Variants in RBFOX1 observed in about 807,000 individuals in gnomAD.
RBFOX1 encodes RNA binding fox-1 homolog 1.
A neutral mutation model predicts 57.7 loss-of-function variants in RBFOX1; 8 were observed. The observed-to-expected ratio is 0.14, with a 90% CI of 0.08 to 0.25. RBFOX1 has a LOEUF of 0.25. Among genes scored for constraint, RBFOX1 ranks in the 10% least tolerant of loss-of-function variants. RBFOX1 has a pLI of 1.00. For synonymous variants in RBFOX1, 326 were observed against 222.4 expected, an observed-to-expected ratio of 1.47 and a Z score of -4.15; for missense variants, 611 against 548.5, an observed-to-expected ratio of 1.11 and a Z score of -1.14.
In RBFOX1 at chr16:5,860,489, C is replaced by G. The variant is rs34469965; in HGVS notation, c.319-6814C>G. Among the ~76,000 whole-genome samples the G allele has an allele frequency of 9.8e-3, 1,490 of 152,278 alleles. 18 individuals are homozygous for G. Among genetic ancestry groups the G allele is most frequent in the Middle Eastern group, 0.037 (11 of 294 alleles). On this transcript the variant is annotated intron_variant, in intron 3 of 19. Transcript: ENST00000641259. ...AGTTGACTCAGTTTGTTTAAGAACTCACAACCTGTTGCTTGCTCCCATTTG... is the reference window on the plus strand; with the variant it reads ...AGTTGACTCAGTTTGTTTAAGAACTGACAACCTGTTGCTTGCTCCCATTTG...
chr16:6,900,061 A>C (rs2068064395), intron 3 of RBFOX1, among the ~76,000 whole-genome samples: 1 of 152,186 alleles, frequency 6.6e-6, no homozygotes, highest in African/African-American at 2.4e-5. Context: ...GGATTAAATG[A>C]GTTAATACTC....
chr16:7,583,848 A>C (rs1395492961), intron 6 of RBFOX1, among the ~76,000 whole-genome samples: 1 of 151,240 alleles, frequency 6.6e-6, no homozygotes, highest in East Asian at 1.9e-4. Context: ...CCACACCAAA[A>C]CAAAATATAG....
intron 3 of RBFOX1, among the ~76,000 whole-genome samples, chr16:5,661,787 C>G (rs533667632): frequency 6.6e-6 from 1 of 151,942 alleles, no homozygotes; most frequent in Non-Finnish European, 1.5e-5. Context: ...AAAACTTAGC[C>G]TTTTTTTATT....
In RBFOX1 at chr16:5,964,095, A is replaced by T. The variant is rs546688698; in HGVS notation, c.351+96760A>T. Among the ~76,000 whole-genome samples, 149 of 152,238 alleles carry T rather than the reference A, an allele frequency of 9.8e-4. 1 individual carries two copies. Among genetic ancestry groups the T allele is most frequent in the African/African-American group, 3.4e-3 (143 of 41,546 alleles). On this transcript the variant is annotated intron_variant, in intron 4 of 19. Transcript: ENST00000641259. ...CCAGATTTTTAAAAATAGACATAAG[A>T]CTCAAATAGATATTTTTCCAAAGAA...
chr16:5,788,039 G>C (rs2054565330), intron 3 of RBFOX1, among the ~76,000 whole-genome samples: 1 of 152,086 alleles, frequency 6.6e-6, no homozygotes, highest in Admixed American at 6.5e-5. Flanking sequence ...TATAGAATGG[G>C]GTAAATATAA....
chr16:7,608,529 A>G (rs1249386298), intron 10 of RBFOX1, among the ~76,000 whole-genome samples: 1 of 152,226 alleles, frequency 6.6e-6, no homozygotes, highest in Non-Finnish European at 1.5e-5. Flanking sequence ...GAAGAGACTT[A>G]GCCGTCAGGC....
chr16:7,381,990 C>T (rs1179120314), intron 4 of RBFOX1, among the ~76,000 whole-genome samples: 1 of 152,194 alleles, frequency 6.6e-6, no homozygotes, highest in Non-Finnish European at 1.5e-5. Context: ...TTTGAGAATC[C>T]TGCTTTTACG....
intron 4 of RBFOX1, among the ~76,000 whole-genome samples, chr16:7,168,759 T>C (rs2152438866): frequency 6.6e-6 from 1 of 152,286 alleles, no homozygotes; most frequent in Non-Finnish European, 1.5e-5. Context: ...ATTTATTCAC[T>C]CCATAATGTA....
At chr16:6,622,875 G>A (rs953622413) in intron 2 of RBFOX1, among the ~76,000 whole-genome samples, 2 of 152,180 alleles carry the variant, frequency 1.3e-5, no homozygotes, top group Non-Finnish European at 2.9e-5. Context: ...TTATCCACAT[G>A]TTGTTCTGCC....
chr16:6,669,862 A>G (rs557998782), intron 3 of RBFOX1, among the ~76,000 whole-genome samples: 1 of 152,326 alleles, frequency 6.6e-6, no homozygotes, highest in South Asian at 2.1e-4. Context: ...GATCTGATGG[A>G]GCCAGGGAGG....
chr16:5,809,723 G>A (rs2151773430), intron 3 of RBFOX1, among the ~76,000 whole-genome samples: 1 of 152,294 alleles, frequency 6.6e-6, no homozygotes, highest in South Asian at 2.1e-4. Context: ...TTACACTGTT[G>A]GTGGGACAGT....
chr16:5,786,861 C>T (rs1368379639), intron 3 of RBFOX1, among the ~76,000 whole-genome samples: 1 of 152,168 alleles, frequency 6.6e-6, no homozygotes, highest in African/African-American at 2.4e-5. Flanking sequence ...TGAAGCCGGG[C>T]ATGGCAGCTT....
chr16:5,648,648 ACT>A (rs377374364), intron 3 of RBFOX1, among the ~76,000 whole-genome samples: 1 of 152,094 alleles, frequency 6.6e-6, no homozygotes, highest in African/African-American at 2.4e-5. Context: ...ACGCTGAGAA[ACT>A]CTGATCTAGA....
chr16:7,599,449 C>T (rs892745878), intron 9 of RBFOX1, among the ~76,000 whole-genome samples: 36 of 103,628 alleles, frequency 3.5e-4, no homozygotes, highest in African/African-American at 8.6e-4. Context: ...GAAAACTAGA[C>T]CTGTAGGATT....
intron 1 of RBFOX1, among the ~76,000 whole-genome samples, chr16:5,346,930 G>A (rs945634927): frequency 5.0e-4 from 76 of 152,284 alleles, no homozygotes; most frequent in African/African-American, 1.8e-3. Flanking sequence ...CCTGGCTTGT[G>A]GTAAGTGCCC....
chr16:6,876,074 G>C (rs1266713740), intron 3 of RBFOX1, among the ~76,000 whole-genome samples: 1 of 151,918 alleles, frequency 6.6e-6, no homozygotes, highest in African/African-American at 2.4e-5. Flanking sequence ...TCGGGGGGCT[G>C]AGGTAGGAGG....
At chr16:5,495,027 A>G (rs2042957202) in intron 2 of RBFOX1, among the ~76,000 whole-genome samples, 2 of 152,208 alleles carry the variant, frequency 1.3e-5, no homozygotes, top group African/African-American at 4.8e-5. Flanking sequence ...TCATACTGCT[A>G]TAAAAGACAT....
intron 3 of RBFOX1, among the ~76,000 whole-genome samples, chr16:7,039,960 T>C (rs1159009768): frequency 6.6e-6 from 1 of 152,030 alleles, no homozygotes; most frequent in African/African-American, 2.4e-5. Flanking sequence ...TTTTTCAAGA[T>C]AGCCACCCTA....
chr16:5,495,941 C>A (rs1173186570), intron 2 of RBFOX1, among the ~76,000 whole-genome samples: 1 of 152,186 alleles, frequency 6.6e-6, no homozygotes, highest in South Asian at 2.1e-4. Context: ...TCCTGGCCAA[C>A]ATGGTGAAAC....
Sources: gnomAD v4.1 joint callset for allele counts (sites outside exome capture counted in the v4.1 genomes callset) on GRCh38, gnomAD v4.1.1 for gene constraint, MANE v1.5 for transcripts, NCBI Gene and HGNC (gene_info 2026-07-23, HGNC 2026-07-21) for gene names.